Variants in XNDC1N observed in about 807,000 individuals in gnomAD.
The protein encoded by XNDC1N is protein XNDC1N.
At chr11:71,900,376 C>T in the XNDC1N span, among the ~76,000 whole-genome samples, 6 of 152,172 alleles carry the variant, frequency 3.9e-5, no homozygotes, top group South Asian at 1.2e-3. Context: ...GGCAGGCCAC[C>T]CCTTCAAGTG....
the XNDC1N span, among the ~76,000 whole-genome samples, chr11:71,913,064 T>C: frequency 9.2e-5 from 14 of 152,032 alleles, no homozygotes; most frequent in African/African-American, 3.4e-4. Context: ...ATCCTCTCTC[T>C]CCCAGGGTAT....
the XNDC1N span, among the ~76,000 whole-genome samples, chr11:71,866,028 T>C: frequency 6.6e-6 from 1 of 152,194 alleles, no homozygotes; most frequent in Non-Finnish European, 1.5e-5. Flanking sequence ...ACTTTGCCTG[T>C]AAACTTTCAA....
At chr11:71,876,999 A>C in the XNDC1N span, among the ~76,000 whole-genome samples, 1 of 152,236 alleles carries the variant, frequency 6.6e-6, no homozygotes, top group Non-Finnish European at 1.5e-5. Context: ...AAGGAACTGA[A>C]TGGAGGTTTA....
chr11:71,919,165 T>C, the XNDC1N span: 8 of 616,532 alleles, frequency 1.3e-5, no homozygotes, highest in African/African-American at 7.3e-5. Context: ...TGGGAGGCCA[T>C]AGGAATACTG....
the XNDC1N span, chr11:71,917,290 A>G: frequency 1.5e-6 from 1 of 677,402 alleles, no homozygotes; most frequent in South Asian, 1.6e-5. Context: ...CTGGGATTAC[A>G]GGCATGAGCC....
the XNDC1N span, among the ~76,000 whole-genome samples, chr11:71,891,436 C>T: frequency 5.3e-5 from 8 of 151,842 alleles, no homozygotes; most frequent in African/African-American, 1.7e-4. Context: ...GGGATGTGTA[C>T]TCCGCCTGCG....
the XNDC1N span, among the ~76,000 whole-genome samples, chr11:71,922,223 G>A: frequency 6.6e-6 from 1 of 152,174 alleles, no homozygotes; most frequent in Admixed American, 6.5e-5. Flanking sequence ...GAGGGTAAGT[G>A]TAATATTAAT....
the XNDC1N span, among the ~76,000 whole-genome samples, chr11:71,887,084 G>A: frequency 6.6e-6 from 1 of 152,214 alleles, no homozygotes; most frequent in Non-Finnish European, 1.5e-5. Context: ...TTGAACTGAG[G>A]GAGACAAGAC....
At chr11:71,875,326 A>G in the XNDC1N span, among the ~76,000 whole-genome samples, 1 of 152,152 alleles carries the variant, frequency 6.6e-6, no homozygotes, top group Non-Finnish European at 1.5e-5. Context: ...AATAGTAATG[A>G]TCTTTTAAGT....
chr11:71,868,330 T>A, the XNDC1N span, among the ~76,000 whole-genome samples: 1 of 152,204 alleles, frequency 6.6e-6, no homozygotes, highest in Admixed American at 6.5e-5. Flanking sequence ...TATTGTGTTG[T>A]TAGCTGGTTA....
the XNDC1N span, among the ~76,000 whole-genome samples, chr11:71,898,362 T>C: frequency 4.0e-5 from 6 of 151,614 alleles, no homozygotes; most frequent in African/African-American, 1.5e-4. Flanking sequence ...ACCCCAGCAC[T>C]TTGGGAGGCT....
the XNDC1N span, among the ~76,000 whole-genome samples, chr11:71,899,711 G>C: frequency 2.0e-5 from 3 of 152,212 alleles, no homozygotes; most frequent in Admixed American, 2.0e-4. Context: ...CTTGAAAGCG[G>C]CATATTGTCC....
chr11:71,915,277 T>C, the XNDC1N span, among the ~76,000 whole-genome samples: 1 of 151,934 alleles, frequency 6.6e-6, no homozygotes, highest in African/African-American at 2.4e-5. Context: ...TGAAACCCTG[T>C]CTCTACTAAA....
At chr11:71,913,665 T>TAAAAAAAAAAAAAAACAAAAAAAAA in the XNDC1N span, among the ~76,000 whole-genome samples, 1 of 105,346 alleles carries the variant, frequency 9.5e-6, no homozygotes, top group Non-Finnish European at 2.0e-5. Context: ...TCTCAAAAGA[T>TAAAAAAAAAAAAAAACAAAAAAAAA]AAAAAAAAAA....
the XNDC1N span, among the ~76,000 whole-genome samples, chr11:71,876,872 T>C: frequency 6.6e-6 from 1 of 152,224 alleles, no homozygotes; most frequent in South Asian, 2.1e-4. Flanking sequence ...CATTCTGGCT[T>C]CAGTAAATGG....
the XNDC1N span, among the ~76,000 whole-genome samples, chr11:71,866,192 C>T: frequency 6.7e-6 from 1 of 149,946 alleles, no homozygotes; most frequent in Non-Finnish European, 1.5e-5. Flanking sequence ...AATACCTGAC[C>T]ATATCTTAAC....
chr11:71,915,731 G>A, the XNDC1N span, among the ~76,000 whole-genome samples: 1 of 152,106 alleles, frequency 6.6e-6, no homozygotes, highest in Non-Finnish European at 1.5e-5. Context: ...AGTGCTCAAA[G>A]GAAAAGTCTG....
chr11:71,873,843 A>G, the XNDC1N span, among the ~76,000 whole-genome samples: 1 of 152,206 alleles, frequency 6.6e-6, no homozygotes, highest in Non-Finnish European at 1.5e-5. Flanking sequence ...TAGATTTTCA[A>G]TAAGGAAATA....
At chr11:71,919,823 T>C in the XNDC1N span, among the ~76,000 whole-genome samples, 1 of 150,138 alleles carries the variant, frequency 6.7e-6, no homozygotes, top group Non-Finnish European at 1.5e-5. Flanking sequence ...TTCACCGTGT[T>C]AGCCAGGATG....
Sources: allele counts gnomAD v4.1 joint callset (sites outside exome capture counted in the v4.1 genomes callset), GRCh38; gene constraint gnomAD v4.1.1; transcripts MANE v1.5; gene names NCBI Gene and HGNC (gene_info 2026-07-23, HGNC 2026-07-21).